Variants in SLC22A3 observed in about 807,000 individuals in gnomAD.
The protein encoded by SLC22A3 is solute carrier family 22 member 3.
A neutral mutation model predicts 59.1 loss-of-function variants in SLC22A3; 51 were observed. The observed-to-expected ratio is 0.86, with a 90% CI of 0.69 to 1.09. The LOEUF (loss-of-function observed/expected upper bound fraction) is 1.09. Ranked by LOEUF, SLC22A3 falls within the 50% of genes least tolerant of loss-of-function variation. The probability of loss-of-function intolerance (pLI) is 0.00; values close to 1 mark genes in which losing one functional copy is unlikely to be tolerated. For synonymous variants in SLC22A3, 325 were observed against 292.0 expected (o/e 1.11, Z -1.15); for missense variants, 711 against 726.3 (o/e 0.98, Z 0.24).
At chr6:160,443,492 A>G (rs1788625430) in intron 8 of SLC22A3, 138 bp from the exon 9 acceptor site, 5 of 676,180 alleles carry the variant, frequency 7.4e-6, no homozygotes, top group African/African-American at 1.8e-5. Flanking sequence ...TAGAGTTCTG[A>G]GAGTAGTCGT....
In SLC22A3 at chr6:160,408,870, GAA is replaced by G; in HGVS notation, c.807_808del (p.Ile270ProfsTer20). 6.2e-7 allele frequency: 1 copy of G among 1,613,748 alleles called. No homozygotes were observed. Among genetic ancestry groups the G allele is most frequent in the Non-Finnish European group, 8.5e-7 (1 of 1,179,856 alleles). ...GCCTACTTCATCCCCAACTGGCAAGGAATCCAGTTAGCCATCACGCTGCCCAG... is the reference window on the plus strand; with the variant it reads ...GCCTACTTCATCCCCAACTGGCAAGGTCCAGTTAGCCATCACGCTGCCCAG... On this transcript the variant is annotated frameshift_variant, in exon 4 of 11. Coordinates refer to ENST00000275300, the MANE Select transcript of SLC22A3 (RefSeq NM_021977.4). LOFTEE classifies it high-confidence loss of function.
chr6:160,416,511 C>T (rs1787501902), intron 5 of SLC22A3, among the ~76,000 whole-genome samples: 3 of 151,816 alleles, frequency 2.0e-5, no homozygotes. Flanking sequence ...AATGATAGCA[C>T]AGGCACAGCT....
At chr6:160,378,807 T>C (rs1785690214) in intron 1 of SLC22A3, among the ~76,000 whole-genome samples, 1 of 152,174 alleles carries the variant, frequency 6.6e-6, no homozygotes, top group Non-Finnish European at 1.5e-5. Context: ...TAATAAAGGG[T>C]TAAATAGCTC....
At chr6:160,349,131 T>C (rs748296328) in intron 1 of SLC22A3, 1 of 932,114 alleles carries the variant, frequency 1.1e-6, no homozygotes, top group Non-Finnish European at 1.3e-6. Flanking sequence ...TGTAAACGCC[T>C]GGCGCACGCC....
At chr6:160,407,255 G>A in intron 3 of SLC22A3, 60 bp downstream of exon 3, 2 of 1,513,330 alleles carry the variant, frequency 1.3e-6, no homozygotes, top group Non-Finnish European at 1.8e-6. Context: ...GCCAACAAAT[G>A]CTAGTTAATC....
chr6:160,410,776 A>G lies in SLC22A3; in HGVS notation c.905A>G (p.Asp302Gly). The change falls in exon 5 of 11, where the codon GAT becomes GGT. Residue 302 changes from aspartate to glycine, a missense_variant. Transcript: ENST00000275300. The part of the protein sequence containing the change: ...PRWLITRKKG[D>G]KALQILRRIA... Reference sequence around the variant, plus strand: ...TGGCTGATTACTCGGAAGAAAGGAGATAAAGCATTACAGATCCTGAGACGC... The same window carrying G: ...TGGCTGATTACTCGGAAGAAAGGAGGTAAAGCATTACAGATCCTGAGACGC... 6.2e-7 allele frequency: 1 copy of G among 1,613,466 alleles called. No individual in the cohort carries two copies. Among genetic ancestry groups the G allele is most frequent in the Non-Finnish European group, 8.5e-7 (1 of 1,179,614 alleles).
chr6:160,403,450 G>A (rs1786873022), intron 2 of SLC22A3, among the ~76,000 whole-genome samples: 1 of 151,844 alleles, frequency 6.6e-6, no homozygotes, highest in African/African-American at 2.4e-5. Flanking sequence ...TGGGTTCACA[G>A]GTGAATTTGC....
chr6:160,433,183 G>A (rs552903363), intron 5 of SLC22A3, among the ~76,000 whole-genome samples: 34 of 152,152 alleles, frequency 2.2e-4, no homozygotes, highest in African/African-American at 7.7e-4. Context: ...GAAAACGTTC[G>A]CCAACCTCTA....
At chr6:160,377,210 C>G (rs141328616) in intron 1 of SLC22A3, among the ~76,000 whole-genome samples, 1 of 152,122 alleles carries the variant, frequency 6.6e-6, no homozygotes. Context: ...TGTGGGCTGG[C>G]GTGGTGGCTC....
chr6:160,445,082 G>T (rs1443511641), intron 9 of SLC22A3, among the ~76,000 whole-genome samples: 3 of 152,248 alleles, frequency 2.0e-5, no homozygotes, highest in Admixed American at 6.5e-5. Flanking sequence ...CGGGGCCTGA[G>T]ACTGCGAGGG....
Position 160,384,493 on chromosome 6 carries a change from G to A in SLC22A3, c.430-13486G>A, listed in dbSNP as rs2665352. Among the ~76,000 whole-genome samples the A allele has an allele frequency of 5.5e-3, 838 of 152,260 alleles. 13 individuals carry two copies. In the East Asian group the frequency reaches 0.063, roughly 11 times the overall value. Reference sequence around the variant, plus strand: ...ATCTCACACTAAGGGTGAGGAAGGCGGGAGACAGGAGCATTCAGGGAGGGG... The same window carrying A: ...ATCTCACACTAAGGGTGAGGAAGGCAGGAGACAGGAGCATTCAGGGAGGGG... On this transcript the variant is annotated intron_variant, in intron 1 of 10. Transcript: ENST00000275300.
At position 160,443,507 on chromosome 6, in the gene SLC22A3, A is replaced by T. The variant is rs146758730; in HGVS notation, c.1398-123A>T. On this transcript the variant is annotated intron_variant, in intron 8 of 10. Coordinates refer to ENST00000275300, the MANE Select transcript of SLC22A3 (RefSeq NM_021977.4). Reference sequence around the variant, plus strand: ...TAGAGTTCTGAGAGTAGTCGTTTTCAAAGTTAGAAAATGCAAAGTATCTTC... The same window carrying T: ...TAGAGTTCTGAGAGTAGTCGTTTTCTAAGTTAGAAAATGCAAAGTATCTTC... 74 of 716,450 alleles carry T rather than the reference A, an allele frequency of 1.0e-4. No individual in the cohort carries two copies. In the East Asian group the frequency reaches 1.5e-3, roughly 14 times the overall value. The allele number at this position is 716,450 out of a possible 1,614,324, so 44.4% of individuals were successfully genotyped here.
chr6:160,354,546 G>T (rs518295), intron 1 of SLC22A3, among the ~76,000 whole-genome samples: 76,125 of 151,974 alleles, frequency 0.5, 19,392 homozygotes, highest in African/African-American at 0.59. Context: ...TAAATATAAA[G>T]AGTCAAAGCC....
Position 160,441,499 on chromosome 6 carries a change from G to T in SLC22A3, c.1289-1262G>T, listed in dbSNP as rs546517516. 3.9e-5 allele frequency among the ~76,000 whole-genome samples: 6 copies of T among 152,176 alleles called. No individual in the cohort carries two copies. In the South Asian group the frequency reaches 1.2e-3, roughly 32 times the overall value. ...GCACCAGGATGTCCTTGGCCAGTTT[G>T]CAGTCAAAATATGTAAACTTCAGAC... On this transcript the variant is annotated intron_variant, in intron 7 of 10. Coordinates refer to ENST00000275300, the MANE Select transcript of SLC22A3 (RefSeq NM_021977.4).
At chr6:160,376,691 T>C (rs1785608917) in intron 1 of SLC22A3, among the ~76,000 whole-genome samples, 1 of 152,192 alleles carries the variant, frequency 6.6e-6, no homozygotes, top group African/African-American at 2.4e-5. Flanking sequence ...CTACTTGTTC[T>C]GTTAAAGTAT....
chr6:160,440,530 G>A (rs1240250692), intron 7 of SLC22A3, among the ~76,000 whole-genome samples: 2 of 152,160 alleles, frequency 1.3e-5, no homozygotes, highest in African/African-American at 4.8e-5. Context: ...TTGTTCTCAT[G>A]TAATTCCATG....
chr6:160,348,970 T>C, intron 1 of SLC22A3, 122 bp downstream of exon 1: 1 of 1,522,908 alleles, frequency 6.6e-7, no homozygotes, highest in Non-Finnish European at 8.8e-7. Flanking sequence ...ACCGGTCGGC[T>C]ACCTCTGGGG....
chr6:160,406,226 C>T (rs1363795082), intron 2 of SLC22A3, among the ~76,000 whole-genome samples: 1 of 152,112 alleles, frequency 6.6e-6, no homozygotes, highest in African/African-American at 2.4e-5. Flanking sequence ...AGGCTACTTC[C>T]ATCTCTACTC....
rs928066693 is a variant in SLC22A3 at position 160,387,032 on chromosome 6, G to C, written c.430-10947G>C. Among the ~76,000 whole-genome samples, 3 of 152,208 alleles carry C rather than the reference G, an allele frequency of 2.0e-5. No homozygotes were observed. The South Asian group carries it at 6.2e-4, about 32-fold the overall frequency. On this transcript the variant is annotated intron_variant, in intron 1 of 10. Transcript: ENST00000275300. ...TACAACCTGGCACTGCAGCTGCTGT[G>C]ACTCATGCGCATGGCATCAAGGCAG...
Sources: gnomAD v4.1 joint callset for allele counts (sites outside exome capture counted in the v4.1 genomes callset) on GRCh38, gnomAD v4.1.1 for gene constraint, MANE v1.5 for transcripts, NCBI Gene and HGNC (gene_info 2026-07-23, HGNC 2026-07-21) for gene names.